Variants in LPP observed in about 807,000 individuals in gnomAD.
The protein encoded by LPP is lipoma-preferred partner.
Under a neutral mutation model 60.4 loss-of-function variants are expected in LPP, and 38 were observed. That is an observed-to-expected ratio of 0.63 (90% CI 0.49 to 0.83). The LOEUF (loss-of-function observed/expected upper bound fraction) is 0.83, where lower values mean the gene tolerates loss of function less well. Among genes scored for constraint, LPP ranks in the 40% least tolerant of loss-of-function variants. The probability of loss-of-function intolerance (pLI) is 0.00; values close to 1 mark genes in which losing one functional copy is unlikely to be tolerated. For synonymous variants in LPP, 328 were observed against 290.8 expected, an observed-to-expected ratio of 1.13 and a Z score of -1.30; for missense variants, 902 against 783.6, an observed-to-expected ratio of 1.15 and a Z score of -1.80.
At chr3:188,589,464 T>TATG (rs1213865432) in intron 6 of LPP, among the ~76,000 whole-genome samples, 2 of 152,188 alleles carry the variant, frequency 1.3e-5, no homozygotes, top group Non-Finnish European at 2.9e-5. Context: ...TGTATAAGCG[T>TATG]ATGGTTTATG....
chr3:188,601,624 C>A (rs1841185290), intron 6 of LPP, among the ~76,000 whole-genome samples: 2 of 152,144 alleles, frequency 1.3e-5, no homozygotes, highest in Admixed American at 1.3e-4. Flanking sequence ...TTTTAACTGA[C>A]AATCACCTGC....
rs987483452 is a variant in LPP, at chr3:188,875,118, A to G, written c.*639A>G. Reference sequence around the variant, plus strand: ...TCAGAATCTATAGTGACCAGTGATCAAGGCTAATTGGAAAAGAGTTATCGG... The same window carrying G: ...TCAGAATCTATAGTGACCAGTGATCGAGGCTAATTGGAAAAGAGTTATCGG... On this transcript the variant is annotated 3_prime_UTR_variant, in exon 12 of 12. Coordinates refer to ENST00000617246, the MANE Select transcript of LPP (RefSeq NM_001375462.1). The G allele has an allele frequency of 4.6e-6, 1 of 218,534 alleles. No individual in the cohort carries two copies. The highest frequency in any genetic ancestry group is 2.2e-5 in the African/African-American group (1 of 44,544). 13.5% of individuals were successfully genotyped at this position (218,534 alleles called of 1,614,324 possible).
At chr3:188,440,970 T>TGCGC (rs1553899251) in intron 4 of LPP, among the ~76,000 whole-genome samples, 2 of 150,494 alleles carry the variant, frequency 1.3e-5, no homozygotes, top group East Asian at 3.9e-4. Context: ...TGTGTGTGTG[T>TGCGC]GCGCCTGTAT....
intron 2 of LPP, among the ~76,000 whole-genome samples, chr3:188,315,000 A>G (rs999550456): frequency 2.0e-5 from 3 of 152,178 alleles, no homozygotes; most frequent in Non-Finnish European, 4.4e-5. Flanking sequence ...AAAATATGGT[A>G]GAATTCCCTT....
At chr3:188,820,890 CT>C (rs1448001736) in intron 9 of LPP, among the ~76,000 whole-genome samples, 1 of 152,070 alleles carries the variant, frequency 6.6e-6, no homozygotes, top group African/African-American at 2.4e-5. Flanking sequence ...AGGAAAATGT[CT>C]CTGTATTATC....
rs796157057 is a variant in LPP at position 188,391,347 on chromosome 3, G to A, written c.-9-14765G>A. Among the ~76,000 whole-genome samples the A allele has an allele frequency of 9.8e-5, 15 of 152,304 alleles. 1 individual carries two copies. Among genetic ancestry groups the A allele is most frequent in the African/African-American group, 3.1e-4 (13 of 41,576 alleles). The stretch of plus-strand genomic sequence containing the variant: ...ACGGCACTGGGTGTGCTCTGTGCAC[G>A]GCTCTTCTAGAGGTGATCCAAGTGC... On this transcript the variant is annotated intron_variant, in intron 3 of 11. Coordinates refer to ENST00000617246, the MANE Select transcript of LPP (RefSeq NM_001375462.1).
chr3:188,847,288 G>A (rs1275756425), intron 9 of LPP, among the ~76,000 whole-genome samples: 2 of 152,302 alleles, frequency 1.3e-5, no homozygotes, highest in East Asian at 1.9e-4. Flanking sequence ...GTACTGTCAG[G>A]ACTGATGAAA....
intron 8 of LPP, chr3:188,746,473 C>T (rs1384526030): frequency 2.1e-6 from 1 of 483,092 alleles, no homozygotes; most frequent in Non-Finnish European, 4.1e-6. Flanking sequence ...ACTATCTCTT[C>T]TTTGAACTTA....
intron 7 of LPP, among the ~76,000 whole-genome samples, chr3:188,689,112 C>T (rs964794910): frequency 1.1e-4 from 17 of 152,188 alleles, no homozygotes; most frequent in Admixed American, 1.0e-3. Flanking sequence ...GACACTTCTG[C>T]TGCCTGCTTG....
intron 2 of LPP, among the ~76,000 whole-genome samples, chr3:188,312,446 A>C (rs558722477): frequency 9.0e-4 from 137 of 152,336 alleles, no homozygotes; most frequent in Non-Finnish European, 3.4e-4. Context: ...TTTAACTTGC[A>C]GATTAAAATA....
chr3:188,599,454 C>A (rs186197400), intron 6 of LPP, among the ~76,000 whole-genome samples: 1 of 152,126 alleles, frequency 6.6e-6, no homozygotes, highest in East Asian at 1.9e-4. Flanking sequence ...AGAAAACTAC[C>A]TTGACATACC....
chr3:188,516,726 CA>C (rs1817487313), intron 5 of LPP, among the ~76,000 whole-genome samples: 1 of 151,676 alleles, frequency 6.6e-6, no homozygotes, highest in African/African-American at 2.4e-5. Context: ...AGAACATCCC[CA>C]TACCAGCGCC....
intron 6 of LPP, among the ~76,000 whole-genome samples, chr3:188,545,489 A>G (rs1248514337): frequency 6.6e-6 from 1 of 151,918 alleles, no homozygotes; most frequent in East Asian, 1.9e-4. Flanking sequence ...AGTAATGTCT[A>G]CCTTACTCAC....
At chr3:188,753,580 C>CGTGT (rs141731350) in intron 8 of LPP, among the ~76,000 whole-genome samples, 13,596 of 139,508 alleles carry the variant, frequency 0.097, 718 homozygotes, top group African/African-American at 0.14. Flanking sequence ...TTGTTGTGTG[C>CGTGT]GTGTGTGTGT....
intron 2 of LPP, among the ~76,000 whole-genome samples, chr3:188,243,426 A>C (rs1725698047): frequency 6.6e-6 from 1 of 152,226 alleles, no homozygotes; most frequent in East Asian, 1.9e-4. Context: ...GGGCAATTTA[A>C]GTAGAGAACA....
intron 5 of LPP, among the ~76,000 whole-genome samples, chr3:188,517,266 T>C (rs1400140104): frequency 6.6e-6 from 1 of 152,222 alleles, no homozygotes; most frequent in East Asian, 1.9e-4. Flanking sequence ...TATTCTTTTT[T>C]ATTAGGGATA....
intron 8 of LPP, among the ~76,000 whole-genome samples, chr3:188,756,675 G>A (rs768880217): frequency 2.0e-5 from 3 of 152,164 alleles, no homozygotes; most frequent in Non-Finnish European, 4.4e-5. Flanking sequence ...CTACTGATGT[G>A]TGGGGCTATT....
At chr3:188,383,397 TTTG>T (rs759330306) in intron 3 of LPP, among the ~76,000 whole-genome samples, 1 of 152,184 alleles carries the variant, frequency 6.6e-6, no homozygotes, top group Non-Finnish European at 1.5e-5. Flanking sequence ...TTAATTGATT[TTTG>T]TTGTTGTTAT....
At chr3:188,607,132 C>G (rs981937144) in intron 6 of LPP, among the ~76,000 whole-genome samples, 1 of 146,572 alleles carries the variant, frequency 6.8e-6, no homozygotes, top group Admixed American at 6.8e-5. Context: ...CACACACACA[C>G]ACACACACAC....
Sources: allele counts gnomAD v4.1 joint callset (sites outside exome capture counted in the v4.1 genomes callset), GRCh38; gene constraint gnomAD v4.1.1; transcripts MANE v1.5; gene names NCBI Gene and HGNC (gene_info 2026-07-23, HGNC 2026-07-21).